Variants in BRD4 observed in about 807,000 individuals in gnomAD.
BRD4 encodes the protein bromodomain-containing protein 4.
Under a neutral mutation model 142.1 loss-of-function variants are expected in BRD4, and 16 were observed. The ratio of observed to expected loss-of-function variants is 0.11; its 90% CI spans 0.08 to 0.17. The LOEUF (loss-of-function observed/expected upper bound fraction) is 0.17, where lower values mean the gene tolerates loss of function less well. Ranked by LOEUF, BRD4 falls within the 10% of genes least tolerant of loss-of-function variation. BRD4 has a pLI of 1.00. For missense variants in BRD4, 1,424 were observed against 1,810.9 expected (o/e 0.79, Z 3.88); for synonymous variants, 833 against 707.5 (o/e 1.18, Z -2.82).
chr19:15,307,687 G>A (rs1006593927), intron 1 of BRD4, among the ~76,000 whole-genome samples: 1 of 152,134 alleles, frequency 6.6e-6, no homozygotes, highest in African/African-American at 2.4e-5. Flanking sequence ...AGGCTGAGGA[G>A]GGAAGAGGAT....
At chr19:15,249,473 C>A (rs1045423906) in intron 11 of BRD4, among the ~76,000 whole-genome samples, 2 of 152,154 alleles carry the variant, frequency 1.3e-5, no homozygotes, top group Non-Finnish European at 2.9e-5. Flanking sequence ...TAGGGACAGA[C>A]CCACCGCCCG....
rs2145515722 is a variant in BRD4, at chr19:15,244,327, G to A, written c.2485C>T (p.His829Tyr). Residue 829 changes from histidine (H) to tyrosine (Y), a missense_variant, in exon 13 of 20, where the codon CAC (histidine) becomes TAC (tyrosine). By Grantham distance (83) the His-to-Tyr change is moderately conservative. Around this residue, in one of 16 missense-constraint regions of BRD4, gnomAD observed 598 missense variants for 647.8 expected, o/e 0.92. Coordinates refer to ENST00000679869, the MANE Select transcript of BRD4 (RefSeq NM_001379291.1). ...GGGGGCAGCTCAGGCTGCGGCAGGT[G>A]CAGGATGGGCTGGGTGAAGTGGCCG... ...PIGHFTQPIL[H>Y]LPQPELPPHL... 1 of 1,599,780 alleles carries A rather than the reference G, an allele frequency of 6.3e-7. No individual in the cohort carries two copies. The highest frequency in any genetic ancestry group is 8.5e-7 in the Non-Finnish European group (1 of 1,175,494).
chr19:15,291,289 G>T (rs559668507), intron 1 of BRD4, among the ~76,000 whole-genome samples: 1 of 152,324 alleles, frequency 6.6e-6, no homozygotes, highest in South Asian at 2.1e-4. Flanking sequence ...CCTGGTTTAG[G>T]TGAAAATACT....
intron 1 of BRD4, among the ~76,000 whole-genome samples, chr19:15,300,801 G>C (rs975186487): frequency 6.6e-6 from 1 of 152,120 alleles, no homozygotes; most frequent in Non-Finnish European, 1.5e-5. Flanking sequence ...GTGAAGATGA[G>C]CAACGACTAA....
At position 15,272,890 on chromosome 19, in the gene BRD4, C is replaced by T. The variant is rs1434675716; in HGVS notation, c.210G>A (p.Val70=). ...TNQLQYLLRV[V]LKTLWKHQFA... is the part of the protein sequence containing the mutation. ...ACTGGTGTTTCCATAGTGTCTTGAGCACCACTCTGAGCAGGTATTGCAGTT... is the reference window on the plus strand; with the variant it reads ...ACTGGTGTTTCCATAGTGTCTTGAGTACCACTCTGAGCAGGTATTGCAGTT... The change falls in exon 2 of 20, where the codon GTG becomes GTA. Residue 70 remains valine (V), a synonymous_variant. Transcript: ENST00000679869. 6.2e-7 allele frequency: 1 copy of T among 1,614,160 alleles called. No individual in the cohort carries two copies. The highest frequency in any genetic ancestry group is 1.1e-5 in the South Asian group (1 of 91,084).
chr19:15,242,768 C>G (rs537438036), intron 14 of BRD4, 132 bp downstream of exon 14: 3 of 1,384,694 alleles, frequency 2.2e-6, no homozygotes, highest in South Asian at 1.4e-5. Flanking sequence ...CCTTCCAGGT[C>G]CCCCTCCAAG....
rs1208789157 is a variant in BRD4, at chr19:15,236,900, G to GA, written c.*1476dup. The GA allele has an allele frequency of 5.0e-6, 1 of 201,012 alleles. No individual in the cohort carries two copies. The highest frequency in any genetic ancestry group is 2.3e-5 in the African/African-American group (1 of 43,204). The allele number at this position is 201,012 out of a possible 1,614,324, so 12.5% of individuals were successfully genotyped here. On this transcript the variant is annotated 3_prime_UTR_variant, in exon 20 of 20. Coordinates refer to ENST00000679869, the MANE Select transcript of BRD4 (RefSeq NM_001379291.1). Reference sequence around the variant, plus strand: ...CAGACCAAATGCATATTCACCGTATGAAAGTCAAACCAGTCAGTGACTCCA... The same window carrying GA: ...CAGACCAAATGCATATTCACCGTATGAAAAGTCAAACCAGTCAGTGACTCCA...
In BRD4 at chr19:15,238,541, C is replaced by A; in HGVS notation, c.4021-96G>T. The A allele has an allele frequency of 6.3e-7, 1 of 1,585,884 alleles. No homozygotes were observed. The highest frequency in any genetic ancestry group is 8.6e-7 in the Non-Finnish European group (1 of 1,166,286). The stretch of plus-strand genomic sequence containing the variant: ...GCTACCAGCAGTCAGCCCCGTAGCC[C>A]TCCCCGTGGCTGACCCCTCATAGCG... On this transcript the variant is annotated intron_variant, in intron 19 of 19. Transcript: ENST00000679869. The surrounding 1 kb of genome is among the most constrained non-coding windows in gnomAD (Gnocchi z 7.2).
chr19:15,309,490 C>T (rs1239881154), intron 1 of BRD4, among the ~76,000 whole-genome samples: 2 of 152,190 alleles, frequency 1.3e-5, no homozygotes, highest in Non-Finnish European at 2.9e-5. Context: ...GGGGCAGCCA[C>T]TGTAAAACAG....
Position 15,329,055 on chromosome 19 carries a change from G to A in BRD4, c.-35+3235C>T, listed in dbSNP as rs919861108. The stretch of plus-strand genomic sequence containing the variant: ...CTCAAAGTGCTGGGATCACAGGCGT[G>A]AGCCACCACGCCCGGCGCATTCTGC... On this transcript the variant is annotated intron_variant, in intron 1 of 19. Coordinates refer to ENST00000679869, the MANE Select transcript of BRD4 (RefSeq NM_001379291.1). Among the ~76,000 whole-genome samples the A allele has an allele frequency of 6.6e-5, 10 of 151,212 alleles. No homozygotes were observed. The South Asian group carries it at 8.3e-4, about 13-fold the overall frequency.
At chr19:15,299,875 T>C (rs572944147) in intron 1 of BRD4, among the ~76,000 whole-genome samples, 1 of 152,202 alleles carries the variant, frequency 6.6e-6, no homozygotes, top group South Asian at 2.1e-4. Flanking sequence ...CACGACTTAA[T>C]TGCTGCTCCA....
intron 1 of BRD4, among the ~76,000 whole-genome samples, chr19:15,318,787 A>G (rs370232359): frequency 2.0e-5 from 3 of 152,100 alleles, no homozygotes; most frequent in Non-Finnish European, 4.4e-5. Flanking sequence ...GTAGAGCCCT[A>G]GTTCCAAGAC....
chr19:15,276,967 G>T (rs963090458), intron 1 of BRD4, among the ~76,000 whole-genome samples: 1 of 152,290 alleles, frequency 6.6e-6, no homozygotes, highest in Non-Finnish European at 1.5e-5. Flanking sequence ...GACCAGAGGC[G>T]GGGGAAGAGT....
At position 15,239,118 on chromosome 19, in the gene BRD4, C is replaced by T; in HGVS notation, c.3723G>A (p.Leu1241=). ...AREKEEREKA[L]KAQAEHAEKE... ...TCTCAGCGTGCTCGGCCTGAGCCTT[C>T]AGGGCCTTCTCACGCTCCTCTTTCT... The change falls in exon 18 of 20, where the codon CTG becomes CTA. Residue 1241 remains leucine (L), a synonymous_variant. Coordinates refer to ENST00000679869, the MANE Select transcript of BRD4 (RefSeq NM_001379291.1). This position sits in a 1 kb window ranked among gnomAD's most constrained non-coding sequence, Gnocchi z 7.4. 6.2e-7 allele frequency: 1 copy of T among 1,610,084 alleles called. No individual in the cohort carries two copies. Among genetic ancestry groups the T allele is most frequent in the South Asian group, 1.1e-5 (1 of 90,906 alleles).
intron 1 of BRD4, among the ~76,000 whole-genome samples, chr19:15,294,004 T>C (rs2047804107): frequency 6.6e-6 from 1 of 152,256 alleles, no homozygotes; most frequent in Admixed American, 6.5e-5. Context: ...CACCGTTTCC[T>C]GGCATACGAT....
intron 1 of BRD4, among the ~76,000 whole-genome samples, chr19:15,306,891 T>G (rs1006398523): frequency 6.6e-6 from 1 of 152,124 alleles, no homozygotes; most frequent in African/African-American, 2.4e-5. Flanking sequence ...ATTACCAAAA[T>G]GTGACACAGA....
chr19:15,273,498 C>G (rs1357351309), intron 1 of BRD4, among the ~76,000 whole-genome samples: 3 of 152,208 alleles, frequency 2.0e-5, no homozygotes, highest in African/African-American at 7.2e-5. Context: ...TTAGGAGATG[C>G]TGCCTGTGTG....
Position 15,238,512 on chromosome 19 carries a change from A to AC in BRD4, c.4021-68dup. The AC allele has an allele frequency of 1.2e-6, 2 of 1,609,886 alleles. No individual in the cohort carries two copies. Among genetic ancestry groups the AC allele is most frequent in the East Asian group, 4.5e-5 (2 of 44,824 alleles). ...CCACCCTGCAGCTACAAGCCCTCAT[A>AC]CCCGCTACCAGCAGTCAGCCCCGTA... On this transcript the variant is annotated intron_variant, in intron 19 of 19. Coordinates refer to ENST00000679869, the MANE Select transcript of BRD4 (RefSeq NM_001379291.1). This position sits in a 1 kb window ranked among gnomAD's most constrained non-coding sequence, Gnocchi z 7.2.
At chr19:15,270,087 T>A (rs1482461695) in intron 2 of BRD4, among the ~76,000 whole-genome samples, 1 of 152,172 alleles carries the variant, frequency 6.6e-6, no homozygotes, top group East Asian at 1.9e-4. Context: ...GGACAGGTGC[T>A]CCTGTAATTA....
Sources: gnomAD v4.1 joint callset for allele counts (sites outside exome capture counted in the v4.1 genomes callset) on GRCh38, gnomAD v4.1.1 for gene constraint, gnomAD v4.1.1 regional missense constraint, Gnocchi (gnomAD v3.1) non-coding constraint, MANE v1.5 for transcripts, NCBI Gene and HGNC (gene_info 2026-07-23, HGNC 2026-07-21) for gene names.